GRIN2B: variants seen among roughly 807,000 people sequenced by gnomAD.
GRIN2B encodes the protein glutamate ionotropic receptor NMDA type subunit 2B.
Under a neutral mutation model 114.5 loss-of-function variants are expected in GRIN2B, and 5 were observed. The ratio of observed to expected loss-of-function variants is 0.04; its 90% CI spans 0.02 to 0.09. The LOEUF (loss-of-function observed/expected upper bound fraction) is 0.09. Among genes scored for constraint, GRIN2B ranks in the 10% least tolerant of loss-of-function variants. The pLI is 1.00. For synonymous variants in GRIN2B, 787 were observed against 745.1 expected (o/e 1.06, Z -0.92); for missense variants, 1,108 against 1,943.5 (o/e 0.57, Z 8.08).
chr12:13,628,287 G>C (rs1158092729), intron 5 of GRIN2B, among the ~76,000 whole-genome samples: 2 of 152,160 alleles, frequency 1.3e-5, no homozygotes, highest in Non-Finnish European at 2.9e-5. Context: ...CATGCAGAAG[G>C]CACCAGGTTG....
chr12:13,754,243 T>C (rs1863538759), intron 3 of GRIN2B, among the ~76,000 whole-genome samples: 2 of 152,172 alleles, frequency 1.3e-5, no homozygotes, highest in Non-Finnish European at 2.9e-5. Context: ...GCAAAACATA[T>C]GAAGAGTCAC....
intron 3 of GRIN2B, among the ~76,000 whole-genome samples, chr12:13,828,218 A>G (rs1210369081): frequency 6.6e-6 from 1 of 152,164 alleles, no homozygotes; most frequent in Admixed American, 6.5e-5. Context: ...TTATCTAATA[A>G]CCTTTATTTT....
intron 4 of GRIN2B, among the ~76,000 whole-genome samples, chr12:13,676,701 A>G (rs1038734980): frequency 2.6e-5 from 4 of 152,146 alleles, no homozygotes; most frequent in Admixed American, 2.0e-4. Flanking sequence ...GTCTCCCTCT[A>G]TCCCAGAGAT....
intron 5 of GRIN2B, among the ~76,000 whole-genome samples, chr12:13,664,282 G>A (rs1949953705): frequency 6.6e-6 from 1 of 152,114 alleles, no homozygotes; most frequent in Non-Finnish European, 1.5e-5. Flanking sequence ...GGAAGGGAAG[G>A]TGGGTCAACC....
intron 3 of GRIN2B, among the ~76,000 whole-genome samples, chr12:13,851,496 C>T (rs979205534): frequency 2.6e-5 from 4 of 152,178 alleles, no homozygotes; most frequent in African/African-American, 9.6e-5. Flanking sequence ...ACCAGTGGTT[C>T]TCAAACTGGG....
chr12:13,836,546 T>C (rs1865269469), intron 3 of GRIN2B, among the ~76,000 whole-genome samples: 1 of 152,196 alleles, frequency 6.6e-6, no homozygotes, highest in Non-Finnish European at 1.5e-5. Context: ...AAAACTGTTC[T>C]CCCATCTGGA....
At chr12:13,939,067 T>C (rs533821897) in intron 2 of GRIN2B, among the ~76,000 whole-genome samples, 14 of 152,320 alleles carry the variant, frequency 9.2e-5, no homozygotes, top group Admixed American at 9.2e-4. Flanking sequence ...CTACTCCTTG[T>C]CTATTCTGAA....
intron 2 of GRIN2B, among the ~76,000 whole-genome samples, chr12:13,874,201 T>G (rs1289881299): frequency 6.6e-6 from 1 of 152,326 alleles, no homozygotes; most frequent in South Asian, 2.1e-4. Flanking sequence ...CTTCTCATTC[T>G]TCGTTCAACC....
Position 13,558,030 on chromosome 12 carries a change from A to G in GRIN2B, c.*4753T>C, listed in dbSNP as rs1257791177. ...TTCAACACACCATGGACCACATAGC[A>G]TACATAAGGCCAGACCCATCCCAGT... On this transcript the variant is annotated 3_prime_UTR_variant, in exon 14 of 14. Transcript: ENST00000609686. The G allele has an allele frequency of 6.6e-6, 1 of 152,208 alleles. No individual in the cohort carries two copies. The highest frequency in any genetic ancestry group is 2.1e-4 in the South Asian group (1 of 4,830). 9.4% of individuals were successfully genotyped at this position (152,208 alleles called of 1,614,324 possible).
At chr12:13,651,965 T>A (rs1427746201) in intron 5 of GRIN2B, among the ~76,000 whole-genome samples, 1 of 152,092 alleles carries the variant, frequency 6.6e-6, no homozygotes, top group Non-Finnish European at 1.5e-5. Context: ...ATTTAACATT[T>A]AATGAGCATT....
At chr12:13,870,624 TAA>T (rs1865889628) in intron 2 of GRIN2B, among the ~76,000 whole-genome samples, 1 of 152,112 alleles carries the variant, frequency 6.6e-6, no homozygotes, top group Non-Finnish European at 1.5e-5. Flanking sequence ...AAATGTGACT[TAA>T]TCAATAATTA....
At position 13,908,191 on chromosome 12, in the gene GRIN2B, A is replaced by T. The variant is rs1866575045; in HGVS notation, c.-18-41965T>A. The stretch of plus-strand genomic sequence containing the variant: ...CTCCAACCATCTCTATCATCCAAGA[A>T]AAAACTGAGAAAATCACACATATAT... On this transcript the variant is annotated intron_variant, in intron 2 of 13. Transcript: ENST00000609686. 3.3e-5 allele frequency among the ~76,000 whole-genome samples: 5 copies of T among 152,226 alleles called. No homozygotes were observed. The South Asian group carries it at 1.0e-3, about 32-fold the overall frequency.
chr12:13,878,063 CAAAAAAAAAA>C (rs71067735), intron 2 of GRIN2B, among the ~76,000 whole-genome samples: 3 of 73,236 alleles, frequency 4.1e-5, no homozygotes, highest in South Asian at 5.9e-4. Flanking sequence ...GACTCTGTCT[CAAAAAAAAAA>C]AAAAAAAAAA....
chr12:13,701,525 A>G (rs983317407), intron 4 of GRIN2B, among the ~76,000 whole-genome samples: 3 of 151,908 alleles, frequency 2.0e-5, no homozygotes, highest in African/African-American at 7.3e-5. Flanking sequence ...AAAAAAAAAA[A>G]AAAAGAAAAA....
intron 4 of GRIN2B, chr12:13,683,845 T>C (rs762686396): frequency 6.6e-6 from 1 of 152,186 alleles, no homozygotes; most frequent in Non-Finnish European, 1.5e-5. Context: ...TTGTTATTAT[T>C]ATTACCTATT....
intron 3 of GRIN2B, among the ~76,000 whole-genome samples, chr12:13,833,696 C>G (rs755527143): frequency 6.6e-6 from 1 of 152,128 alleles, no homozygotes; most frequent in African/African-American, 2.4e-5. Context: ...TCCTTGCAAC[C>G]GAAGGGGCTC....
chr12:13,700,903 G>C (rs1950305748), intron 4 of GRIN2B, among the ~76,000 whole-genome samples: 2 of 152,202 alleles, frequency 1.3e-5, no homozygotes, highest in Non-Finnish European at 2.9e-5. Flanking sequence ...TTGGTGAGGT[G>C]TATTAATCTG....
At chr12:13,916,052 A>G (rs938762164) in intron 2 of GRIN2B, among the ~76,000 whole-genome samples, 1 of 152,072 alleles carries the variant, frequency 6.6e-6, no homozygotes, top group African/African-American at 2.4e-5. Flanking sequence ...GGATAACTCT[A>G]TAGAGCTGTG....
At chr12:13,727,485 G>A (rs1863012059) in intron 4 of GRIN2B, among the ~76,000 whole-genome samples, 1 of 152,186 alleles carries the variant, frequency 6.6e-6, no homozygotes, top group Admixed American at 6.5e-5. Context: ...AGCATTGGGT[G>A]ATCCAAATGC....
Sources: allele counts gnomAD v4.1 joint callset (sites outside exome capture counted in the v4.1 genomes callset), GRCh38; gene constraint gnomAD v4.1.1; transcripts MANE v1.5; gene names NCBI Gene and HGNC (gene_info 2026-07-23, HGNC 2026-07-21).